The following PMFBP1 variants were observed in gnomAD, a reference collection of about 807,000 sequenced individuals.
The protein encoded by PMFBP1 is polyamine modulated factor 1 binding protein 1, also known as polyamine-modulated factor 1-binding protein 1.
A neutral mutation model predicts 137.8 loss-of-function variants in PMFBP1; 131 were observed. The ratio of observed to expected loss-of-function variants is 0.95; its 90% CI spans 0.82 to 1.10. The LOEUF (loss-of-function observed/expected upper bound fraction) is 1.10, where lower values mean the gene tolerates loss of function less well. Ranked by LOEUF, PMFBP1 falls within the 50% of genes least tolerant of loss-of-function variation. The pLI, the probability that PMFBP1 is intolerant of heterozygous loss-of-function variation, is 0.00. For synonymous variants in PMFBP1, 490 were observed against 450.4 expected (o/e 1.09, Z -1.11); for missense variants, 1,199 against 1,175.4 (o/e 1.02, Z -0.29).
At chr16:72,120,674 G>T (rs1397215255) in intron 19 of PMFBP1, among the ~76,000 whole-genome samples, 1 of 152,204 alleles carries the variant, frequency 6.6e-6, no homozygotes. Context: ...ATAATTTAGC[G>T]CATTCCCCGT....
chr16:72,128,935 GC>G, intron 13 of PMFBP1, 130 bp downstream of exon 13: 1 of 1,503,870 alleles, frequency 6.6e-7, no homozygotes. Flanking sequence ...CTCCTCGCTG[GC>G]CTTTCCCACT....
the PMFBP1 span, among the ~76,000 whole-genome samples, chr16:72,239,885 C>CAAAAAAAAAAAAAAAAAAAAAAAAAAA: frequency 4.7e-5 from 1 of 21,400 alleles, no homozygotes; most frequent in Non-Finnish European, 9.0e-5. Context: ...ACTCCATGTA[C>CAAAAAAAAAAAAAAAAAAAAAAAAAAA]AAAAAAAAAA....
chr16:72,129,170 G>C lies in PMFBP1; in HGVS notation c.1846C>G (p.Leu616Val). The C allele has an allele frequency of 6.2e-7, 1 of 1,614,152 alleles. No individual in the cohort carries two copies. The highest frequency in any genetic ancestry group is 8.5e-7 in the Non-Finnish European group (1 of 1,180,054). ...TTCAACTGCTCCCGTTTGTCCTCCA[G>C]AAGCTTTGTGGCCTCCTGAAGATCT... ...EEDLQEATKL[L>V]EDKREQLKKS... The change falls in exon 13 of 21, where the codon CTG (leucine) becomes GTG (valine). Residue 616 changes from leucine to valine, a missense_variant. Transcript: ENST00000237353.
chr16:72,227,256 T>C, the PMFBP1 span, among the ~76,000 whole-genome samples: 2 of 152,364 alleles, frequency 1.3e-5, no homozygotes, highest in East Asian at 3.9e-4. Flanking sequence ...GCACACAGGA[T>C]AGTCTGCACT....
the PMFBP1 span, among the ~76,000 whole-genome samples, chr16:72,200,857 C>T: frequency 2.6e-5 from 4 of 152,150 alleles, no homozygotes; most frequent in Non-Finnish European, 4.4e-5. Flanking sequence ...AGAGTAAGGA[C>T]AGGATCTAGA....
chr16:72,189,988 G>C, the PMFBP1 span, among the ~76,000 whole-genome samples: 1 of 152,252 alleles, frequency 6.6e-6, no homozygotes, highest in East Asian at 1.9e-4. Flanking sequence ...TTGGCAGGCA[G>C]TCAGTCAGTT....
chr16:72,205,154 G>T, the PMFBP1 span, among the ~76,000 whole-genome samples: 10,860 of 152,282 alleles, frequency 0.071, 552 homozygotes, highest in South Asian at 0.24. Flanking sequence ...GAGAAAGACA[G>T]AGATGTGGAA....
intron 19 of PMFBP1, among the ~76,000 whole-genome samples, chr16:72,120,608 C>T (rs1339197163): frequency 6.6e-6 from 1 of 152,204 alleles, no homozygotes; most frequent in Non-Finnish European, 1.5e-5. Flanking sequence ...GGGTGAGTTA[C>T]TCATCCCCAT....
Position 72,124,979 on chromosome 16 carries a change from C to T in PMFBP1, c.2422-45G>A, listed in dbSNP as rs756227964. On this transcript the variant is annotated intron_variant, in intron 16 of 20. Transcript: ENST00000237353. ...GAGGAGGGGGACTCCAGCTGGCCTC[C>T]CTGACCGCAGGACCCACAAGGCCAG... 5 of 1,601,220 alleles carry T rather than the reference C, an allele frequency of 3.1e-6. No homozygotes were observed. The East Asian group carries it at 1.1e-4, about 36-fold the overall frequency.
At chr16:72,153,952 AC>A (rs2042942319) in intron 4 of PMFBP1, among the ~76,000 whole-genome samples, 1 of 150,256 alleles carries the variant, frequency 6.7e-6, no homozygotes, top group African/African-American at 2.5e-5. Flanking sequence ...ACACACACAC[AC>A]ACACACACAT....
In PMFBP1 at chr16:72,123,420, G is replaced by A. The variant is rs1230444433; in HGVS notation, c.2693+126C>T. The A allele has an allele frequency of 4.6e-5, 36 of 777,164 alleles. No homozygotes were observed. The East Asian group carries it at 9.3e-4, about 20-fold the overall frequency. The allele number at this position is 777,164 out of a possible 1,614,324, so 48.1% of individuals were successfully genotyped here. On this transcript the variant is annotated intron_variant, in intron 18 of 20. Coordinates refer to ENST00000237353, the MANE Select transcript of PMFBP1 (RefSeq NM_031293.3). Reference sequence around the variant, plus strand: ...TCCATCTTATTTCCATCCCTTGGGTGTGGGCTGAGACTGGATCTGTTTTCC... The same window carrying A: ...TCCATCTTATTTCCATCCCTTGGGTATGGGCTGAGACTGGATCTGTTTTCC...
upstream of PMFBP1, among the ~76,000 whole-genome samples, chr16:72,179,461 C>T (rs1286438203): frequency 6.6e-6 from 1 of 151,944 alleles, no homozygotes; most frequent in East Asian, 1.9e-4. Context: ...TTCTTGACTC[C>T]CAGGAGAGAA....
downstream of PMFBP1, among the ~76,000 whole-genome samples, chr16:72,117,491 G>A (rs553228042): frequency 6.6e-6 from 1 of 152,218 alleles, no homozygotes; most frequent in Admixed American, 6.5e-5. Context: ...TTTCCAGTTT[G>A]AATCCCTTTT....
intron 8 of PMFBP1, 27 bp from the exon 9 acceptor site, chr16:72,136,632 G>A (rs765597905): frequency 1.3e-5 from 21 of 1,613,978 alleles, no homozygotes; most frequent in Admixed American, 5.0e-5. Flanking sequence ...CAGAGTCTAT[G>A]CTCAGGGGAG....
the PMFBP1 span, among the ~76,000 whole-genome samples, chr16:72,223,240 C>T: frequency 6.6e-6 from 1 of 152,190 alleles, no homozygotes; most frequent in Non-Finnish European, 1.5e-5. Context: ...TCTTTCCTGC[C>T]TTGCCTAGGA....
chr16:72,213,431 G>A, the PMFBP1 span, among the ~76,000 whole-genome samples: 26 of 152,142 alleles, frequency 1.7e-4, no homozygotes, highest in Non-Finnish European at 2.5e-4. Flanking sequence ...GAAGCCAGCC[G>A]TCAAGTTGTG....
intron 18 of PMFBP1, among the ~76,000 whole-genome samples, 187 bp downstream of exon 18, chr16:72,123,359 G>A (rs2042405204): frequency 6.6e-6 from 1 of 152,194 alleles, no homozygotes; most frequent in Admixed American, 6.5e-5. Flanking sequence ...TCAGCAGAGG[G>A]CTTTCCAGGC....
At chr16:72,177,617 T>C (rs999147473), upstream of PMFBP1, among the ~76,000 whole-genome samples, 1 of 152,218 alleles carries the variant, frequency 6.6e-6, no homozygotes, top group Non-Finnish European at 1.5e-5. Flanking sequence ...ACATCTTACA[T>C]GATGATACGA....
At chr16:72,164,942 T>C (rs1206230022) in intron 2 of PMFBP1, 26 bp from the exon 3 acceptor site, 2 of 1,566,006 alleles carry the variant, frequency 1.3e-6, no homozygotes, top group Non-Finnish European at 1.7e-6. Flanking sequence ...AACAAAAGCA[T>C]CAATTATAAA....
Sources: allele counts gnomAD v4.1 joint callset (sites outside exome capture counted in the v4.1 genomes callset), GRCh38; gene constraint gnomAD v4.1.1; transcripts MANE v1.5; gene names NCBI Gene and HGNC (gene_info 2026-07-23, HGNC 2026-07-21).